Variants in PLEC observed in about 807,000 individuals in gnomAD.
PLEC encodes hemidesmosomal protein 1.
Under a neutral mutation model 392.8 loss-of-function variants are expected in PLEC, and 216 were observed. That is an observed-to-expected ratio of 0.55 (90% confidence interval 0.49 to 0.62). PLEC has a LOEUF of 0.62. PLEC is among the 20% of genes least tolerant of loss of function. The probability of loss-of-function intolerance (pLI) is 0.00; values close to 1 mark genes in which losing one functional copy is unlikely to be tolerated. For missense variants in PLEC, 6,863 were observed against 6,563.4 expected (o/e 1.05, Z -1.58); for synonymous variants, 3,621 against 2,980.6 (o/e 1.21, Z -7.00).
At chr8:143,930,348 G>T in intron 20 of PLEC, 36 bp downstream of exon 20, 3 of 1,582,522 alleles carry the variant, frequency 1.9e-6, no homozygotes, top group Non-Finnish European at 1.7e-6. Context: ...GCCCTGCCTG[G>T]CCACGCCCCC....
Position 143,917,341 on chromosome 8 carries a change from C to A in PLEC, c.12480G>T (p.Lys4160Asn). Residue 4160 changes from lysine to asparagine, a missense_variant, in exon 32 of 32, where the codon AAG (lysine) becomes AAT (asparagine). Lys to Asn is a moderately conservative substitution (Grantham distance 94, BLOSUM62 0). Transcript: ENST00000345136. Reference sequence around the variant, plus strand: ...GGTACGTCTGGTGGTCAATCAGGCCCTTGCGGTAGGCCTCGTACACTGACA... The same window carrying A: ...GGTACGTCTGGTGGTCAATCAGGCCATTGCGGTAGGCCTCGTACACTGACA... ...KEMSVYEAYRKGLIDHQTYLE... is the reference protein window; with the variant it reads ...KEMSVYEAYRNGLIDHQTYLE... 1 of 1,610,188 alleles carries A rather than the reference C, an allele frequency of 6.2e-7. No homozygotes were observed. Among genetic ancestry groups the A allele is most frequent in the Non-Finnish European group, 8.5e-7 (1 of 1,179,974 alleles).
chr8:143,917,084 CG>C lies in PLEC; in HGVS notation c.12736del (p.Arg4246ValfsTer129). The C allele has an allele frequency of 1.2e-6, 2 of 1,606,700 alleles. No homozygotes were observed. The highest frequency in any genetic ancestry group is 1.7e-6 in the Non-Finnish European group (2 of 1,174,744). On this transcript the variant is annotated frameshift_variant, in exon 32 of 32. Transcript: ENST00000345136. LOFTEE classifies it high-confidence loss of function. ...LSGNAGGFRS[R>X]SSSVGSSSSY... ...GGAGGAGGATCCCACCGAGGAGGAACGGGAGCGGAAACCACCGGCGTTGCCC... is the reference window on the plus strand; with the variant it reads ...GGAGGAGGATCCCACCGAGGAGGAACGGAGCGGAAACCACCGGCGTTGCCC...
chr8:143,942,561 G>T (rs1446092783), upstream of PLEC: 15 of 1,500,520 alleles, frequency 1.0e-5, no homozygotes, highest in Non-Finnish European at 1.2e-5. Flanking sequence ...ACAGTGCGGG[G>T]AGCTGGACCG....
At position 143,934,415 on chromosome 8, in the gene PLEC, G is replaced by T; in HGVS notation, c.1072C>A (p.Pro358Thr). The T allele has an allele frequency of 1.2e-6, 2 of 1,611,618 alleles. No homozygotes were observed. The highest frequency in any genetic ancestry group is 8.5e-7 in the Non-Finnish European group (1 of 1,179,532). ...ACATCCAGCGGGTGGTAGCCAGGGGGCACCTTGAGCTGGCCTGCTTGCACC... is the reference window on the plus strand; with the variant it reads ...ACATCCAGCGGGTGGTAGCCAGGGGTCACCTTGAGCTGGCCTGCTTGCACC... ...GAVQAGQLKV[P>T]PGYHPLDVEK... The change falls in exon 11 of 32, where the codon CCC (proline) becomes ACC (threonine). Residue 358 changes from proline (P) to threonine (T), a missense_variant. Pro to Thr is a conservative substitution (Grantham distance 38). Coordinates refer to ENST00000345136, the MANE Select transcript of PLEC (RefSeq NM_201384.3).
intron 1 of PLEC, among the ~76,000 whole-genome samples, chr8:143,949,333 G>A (rs1380463509): frequency 3.9e-5 from 6 of 152,324 alleles, no homozygotes; most frequent in Non-Finnish European, 5.9e-5. Context: ...CGGGCCATCC[G>A]GAGCCAGCAC....
rs781913612 is a variant in PLEC at position 143,934,652 on chromosome 8, T to C, written c.1024A>G (p.Ile342Val). 1.2e-6 allele frequency: 2 copies of C among 1,613,098 alleles called. No homozygotes were observed. Among genetic ancestry groups the C allele is most frequent in the African/African-American group, 2.7e-5 (2 of 74,914 alleles). Reference sequence around the variant, plus strand: ...CCACTCACCTCCAGGGATTGGTAGATGCCCTTGGACCTGTTCTTGTCGGCC... The same window carrying C: ...CCACTCACCTCCAGGGATTGGTAGACGCCCTTGGACCTGTTCTTGTCGGCC... Reference protein sequence around the residue: ...KEADKNRSKGIYQSLEGAVQA... With the variant: ...KEADKNRSKGVYQSLEGAVQA... Residue 342 changes from isoleucine to valine, a missense_variant, in exon 10 of 32, where the codon ATC becomes GTC. Physicochemically the swap from Ile to Val is conservative, Grantham distance 29 (BLOSUM62 3). Transcript: ENST00000345136.
Position 143,918,662 on chromosome 8 carries a change from G to A in PLEC, c.11159C>T (p.Ala3720Val), listed in dbSNP as rs782795280. The A allele has an allele frequency of 3.7e-6, 6 of 1,612,826 alleles. No individual in the cohort carries two copies. The Admixed American group carries it at 8.3e-5, about 22-fold the overall frequency. ...LKKGLLSAEV[A>V]RLLLEAQAAT... Reference sequence around the variant, plus strand: ...TGCCTGTGCCTCCAGCAGCAGGCGGGCCACCTCGGCACTCAGCAGCCCTTT... The same window carrying A: ...TGCCTGTGCCTCCAGCAGCAGGCGGACCACCTCGGCACTCAGCAGCCCTTT... The change falls in exon 32 of 32, where the codon GCC (alanine) becomes GTC (valine). Residue 3720 changes from alanine to valine, a missense_variant. Physicochemically the swap from Ala to Val is moderately conservative, Grantham distance 64 (BLOSUM62 0). Coordinates refer to ENST00000345136, the MANE Select transcript of PLEC (RefSeq NM_201384.3).
Position 143,973,349 on chromosome 8 carries a change from C to A in PLEC, c.70+54G>T. 6.5e-7 allele frequency: 1 copy of A among 1,535,740 alleles called. No homozygotes were observed. The highest frequency in any genetic ancestry group is 8.8e-7 in the Non-Finnish European group (1 of 1,139,232). On this transcript the variant is annotated intron_variant, in intron 1 of 31. Transcript: ENST00000356346. The surrounding 1 kb of genome is among the most constrained non-coding windows in gnomAD (Gnocchi z 5.6). The stretch of plus-strand genomic sequence containing the variant: ...CCGCCACCGTGGACGACAAGGTGCT[C>A]GGCGGCTGGGCTGTCAGGAGCGGCC...
upstream of PLEC, chr8:143,942,498 GC>G: frequency 2.5e-6 from 4 of 1,580,798 alleles, no homozygotes; most frequent in Admixed American, 1.7e-5. Context: ...AGGCAAAGGC[GC>G]CCCCCGCCCC....
At chr8:143,966,778 C>T (rs1222939925) in intron 1 of PLEC, among the ~76,000 whole-genome samples, 6 of 152,258 alleles carry the variant, frequency 3.9e-5, no homozygotes, top group East Asian at 1.9e-4. Flanking sequence ...GTCAGGAAGC[C>T]GGATTGGTGG....
At chr8:143,952,220 A>G (rs11777167), upstream of PLEC, among the ~76,000 whole-genome samples, 565 of 139,866 alleles carry the variant, frequency 4.0e-3, 1 homozygote, top group Non-Finnish European at 4.8e-3. Flanking sequence ...GCGCGCACAC[A>G]CGCACGCGCA....
intron 1 of PLEC, among the ~76,000 whole-genome samples, chr8:143,945,589 A>G (rs1831342514): frequency 6.6e-6 from 1 of 152,114 alleles, no homozygotes; most frequent in Non-Finnish European, 1.5e-5. Flanking sequence ...ACCACATGGA[A>G]CCCTCAGCAA....
intron 1 of PLEC, among the ~76,000 whole-genome samples, chr8:143,964,046 A>T (rs1230872977): frequency 2.0e-5 from 3 of 152,026 alleles, no homozygotes; most frequent in Non-Finnish European, 4.4e-5. Flanking sequence ...ATCTCAGGTG[A>T]TCCACCCACA....
intron 1 of PLEC, chr8:143,950,102 C>T: frequency 2.8e-6 from 4 of 1,441,948 alleles, no homozygotes; most frequent in Non-Finnish European, 3.7e-6. Flanking sequence ...TCCAACCACT[C>T]CAGCCCAGGC....
rs782313125 is a variant in PLEC, at chr8:143,932,783, C to G, written c.1737+10G>C. The G allele has an allele frequency of 6.2e-7, 1 of 1,611,720 alleles. No individual in the cohort carries two copies. The highest frequency in any genetic ancestry group is 8.5e-7 in the Non-Finnish European group (1 of 1,179,582). ...CACCCCCGCACTGCCCATCGCTCAG[C>G]GCCACCCACCTCGTCACTCCGTGCC... On this transcript the variant is annotated intron_variant, in intron 14 of 31. Coordinates refer to ENST00000345136, the MANE Select transcript of PLEC (RefSeq NM_201384.3).
chr8:143,930,317 G>T lies in PLEC; in HGVS notation c.2458-19C>A. 1 of 1,597,370 alleles carries T rather than the reference G, an allele frequency of 6.3e-7. No individual in the cohort carries two copies. The highest frequency in any genetic ancestry group is 8.5e-7 in the Non-Finnish European group (1 of 1,176,640). ...CAGTCACCTGGGACGGGCAGAGTCG[G>T]TGAGGACATGGCCACACCCTGCCCT... is the stretch of plus-strand genomic sequence containing the variant. On this transcript the variant is annotated intron_variant, in intron 20 of 31. Transcript: ENST00000345136.
At position 143,968,921 on chromosome 8, in the gene PLEC, C is replaced by T. The variant is rs1039368537; in HGVS notation, c.70+4482G>A. Among the ~76,000 whole-genome samples, 48 of 152,174 alleles carry T rather than the reference C, an allele frequency of 3.2e-4. 1 individual carries two copies. Among genetic ancestry groups the T allele is most frequent in the Admixed American group, 2.4e-3 (36 of 15,280 alleles). On this transcript the variant is annotated intron_variant, in intron 1 of 31. Coordinates refer to the PLEC transcript ENST00000356346. ...GGCTGTTACTGGGCATGCAGAATGG[C>T]ACGCCCGCTTTAGGAAGCAATCTGG...
rs971181911 is a variant in PLEC at position 143,934,463 on chromosome 8, A to C, written c.1042-18T>G. On this transcript the variant is annotated intron_variant, in intron 10 of 31. Transcript: ENST00000345136. ...ACCGCTCCCTGTAGACAGGGGCCAC[A>C]CTCAGGCCCTATAGGCAGGGGGCAG... 8 of 1,610,118 alleles carry C rather than the reference A, an allele frequency of 5.0e-6. No homozygotes were observed. The highest frequency in any genetic ancestry group is 6.8e-6 in the Non-Finnish European group (8 of 1,179,586).
rs782037394 is a variant in PLEC, at chr8:143,927,479, C to A, written c.3687G>T (p.Arg1229=). Residue 1229 remains arginine (R), a synonymous_variant, in exon 27 of 32, where the codon CGG becomes CGT. Transcript: ENST00000345136. ...LGAWLQDARR[R]QEQIQAMPLA... ...GCGGCATGGCCTGGATCTGCTCCTG[C>A]CGCCGCCTGGCGTCCTGCAGCCAGG... is the stretch of plus-strand genomic sequence containing the variant. 3.8e-6 allele frequency: 6 copies of A among 1,596,958 alleles called. No individual in the cohort carries two copies. In the African/African-American group the frequency reaches 8.0e-5, roughly 21 times the overall value.
Sources: gnomAD v4.1 joint callset for allele counts (sites outside exome capture counted in the v4.1 genomes callset) on GRCh38, gnomAD v4.1.1 for gene constraint, Gnocchi (gnomAD v3.1) non-coding constraint, MANE v1.5 for transcripts, NCBI Gene and HGNC (gene_info 2026-07-23, HGNC 2026-07-21) for gene names.